Variants in GPC5 observed in about 807,000 individuals in gnomAD.
GPC5 encodes glypican 5.
GPC5 carries 47 observed loss-of-function variants against 53.9 expected under a neutral mutation model. That is an observed-to-expected ratio of 0.87 (90% CI 0.69 to 1.11). The LOEUF (loss-of-function observed/expected upper bound fraction) is 1.11, where lower values mean the gene tolerates loss of function less well. Among genes scored for constraint, GPC5 ranks in the 50% most tolerant of loss-of-function variants. The probability of loss-of-function intolerance (pLI) is 0.00; values close to 1 mark genes in which losing one functional copy is unlikely to be tolerated. For synonymous variants in GPC5, 286 were observed against 263.3 expected (o/e 1.09, Z -0.84); for missense variants, 748 against 713.1 (o/e 1.05, Z -0.56).
chr13:91,665,516 C>CTTTTTTTTTTT (rs1555335537), intron 2 of GPC5, among the ~76,000 whole-genome samples: 2 of 106,528 alleles, frequency 1.9e-5, no homozygotes, highest in African/African-American at 9.9e-5. Flanking sequence ...TTTTTTTTTT[C>CTTTTTTTTTTT]TTTTGAGACG....
intron 2 of GPC5, among the ~76,000 whole-genome samples, chr13:91,625,525 G>C (rs1285789469): frequency 1.3e-5 from 2 of 152,016 alleles, no homozygotes; most frequent in African/African-American, 4.8e-5. Context: ...TTTGAGTAGA[G>C]AGAGTGGAAG....
intron 7 of GPC5, among the ~76,000 whole-genome samples, chr13:92,415,684 A>AG (rs35510235): frequency 6.6e-6 from 1 of 151,888 alleles, no homozygotes; most frequent in Non-Finnish European, 1.5e-5. Context: ...GGTAAAAAAA[A>AG]AAAAAAGAAG....
intron 7 of GPC5, among the ~76,000 whole-genome samples, chr13:92,671,012 CATA>C (rs1399694512): frequency 1.3e-5 from 2 of 152,124 alleles, no homozygotes; most frequent in Non-Finnish European, 2.9e-5. Context: ...CACCCGTAAG[CATA>C]ATAGTACAGG....
At chr13:91,633,359 G>A (rs930349939) in intron 2 of GPC5, among the ~76,000 whole-genome samples, 4 of 152,072 alleles carry the variant, frequency 2.6e-5, no homozygotes. Flanking sequence ...ATGGTCTTTG[G>A]TAGTGGGTAA....
At chr13:92,523,894 C>G (rs1881170045) in intron 7 of GPC5, among the ~76,000 whole-genome samples, 1 of 152,096 alleles carries the variant, frequency 6.6e-6, no homozygotes, top group African/African-American at 2.4e-5. Flanking sequence ...ACCATTTTGT[C>G]TAATAAAATG....
chr13:92,815,624 T>C (rs1877446659), intron 7 of GPC5, among the ~76,000 whole-genome samples: 1 of 151,860 alleles, frequency 6.6e-6, no homozygotes, highest in Non-Finnish European at 1.5e-5. Context: ...TCGAAAAATG[T>C]TCTGGCAGAA....
intron 6 of GPC5, among the ~76,000 whole-genome samples, chr13:91,915,118 C>T (rs571039289): frequency 3.8e-4 from 58 of 152,264 alleles, no homozygotes; most frequent in African/African-American, 1.3e-3. Context: ...GCTTATGATA[C>T]TAATATTCCA....
chr13:92,287,965 A>G (rs532520946), intron 7 of GPC5, among the ~76,000 whole-genome samples: 7 of 151,746 alleles, frequency 4.6e-5, no homozygotes, highest in Non-Finnish European at 8.8e-5. Context: ...TTTTATTTTC[A>G]CACTGGACAA....
chr13:92,750,483 A>G (rs1485447317), intron 7 of GPC5, among the ~76,000 whole-genome samples: 1 of 152,160 alleles, frequency 6.6e-6, no homozygotes, highest in African/African-American at 2.4e-5. Flanking sequence ...GAAAAAGGAG[A>G]AAATGAGAGG....
chr13:91,753,620 A>G (rs1366514099), intron 4 of GPC5, among the ~76,000 whole-genome samples: 1 of 152,166 alleles, frequency 6.6e-6, no homozygotes, highest in Non-Finnish European at 1.5e-5. Context: ...AATGGTTCCA[A>G]CTGCCTTTTG....
chr13:92,271,870 A>G (rs1175998240), intron 7 of GPC5, among the ~76,000 whole-genome samples: 1 of 152,244 alleles, frequency 6.6e-6, no homozygotes, highest in African/African-American at 2.4e-5. Flanking sequence ...TTAGGCAGTA[A>G]TAAGATGACT....
intron 2 of GPC5, among the ~76,000 whole-genome samples, chr13:91,601,949 A>T (rs1020409383): frequency 6.6e-5 from 10 of 152,200 alleles, no homozygotes; most frequent in African/African-American, 2.2e-4. Context: ...GAGTGCTGGG[A>T]TAGGGTGGCT....
chr13:92,277,937 T>C (rs1304287799), intron 7 of GPC5, among the ~76,000 whole-genome samples: 1 of 151,896 alleles, frequency 6.6e-6, no homozygotes, highest in Admixed American at 6.6e-5. Context: ...CTATGGTCTC[T>C]ATATTCTATT....
At chr13:91,678,567 A>C (rs2035435927) in intron 2 of GPC5, among the ~76,000 whole-genome samples, 1 of 152,156 alleles carries the variant, frequency 6.6e-6, no homozygotes, top group African/African-American at 2.4e-5. Flanking sequence ...TAGATTTAAA[A>C]ACTCCACCAA....
chr13:92,056,376 A>G (rs2041074737), intron 6 of GPC5, among the ~76,000 whole-genome samples: 1 of 152,108 alleles, frequency 6.6e-6, no homozygotes, highest in Non-Finnish European at 1.5e-5. Flanking sequence ...TCATCTCAAA[A>G]TCCTTAATTT....
At chr13:92,378,652 A>C (rs1251436144) in intron 7 of GPC5, among the ~76,000 whole-genome samples, 1 of 152,188 alleles carries the variant, frequency 6.6e-6, no homozygotes, top group Non-Finnish European at 1.5e-5. Flanking sequence ...AAACTTAATG[A>C]GACCTTTTTA....
intron 7 of GPC5, among the ~76,000 whole-genome samples, chr13:92,774,045 C>T (rs1435981879): frequency 6.6e-6 from 1 of 152,134 alleles, no homozygotes; most frequent in Non-Finnish European, 1.5e-5. Context: ...CAAGAGAAAC[C>T]TGCCTGCATG....
At chr13:92,834,923 T>C (rs1360602284) in intron 7 of GPC5, among the ~76,000 whole-genome samples, 1 of 152,134 alleles carries the variant, frequency 6.6e-6, no homozygotes, top group Non-Finnish European at 1.5e-5. Flanking sequence ...TATTGTTAGA[T>C]TTTTAAATCA....
rs1367905699 is a variant in GPC5, at chr13:92,656,906, C to T, written c.1562-209376C>T. Among the ~76,000 whole-genome samples the T allele has an allele frequency of 1.5e-4, 23 of 152,166 alleles. 1 individual carries two copies. The highest frequency in any genetic ancestry group is 3.9e-4 in the African/African-American group (16 of 41,442). ...AAGTGTTCAACGCTGCAGTGAGCAACGCTGCGATGAGCTATGCTCTCACAC... is the reference window on the plus strand; with the variant it reads ...AAGTGTTCAACGCTGCAGTGAGCAATGCTGCGATGAGCTATGCTCTCACAC... On this transcript the variant is annotated intron_variant, in intron 7 of 7. Coordinates refer to ENST00000377067, the MANE Select transcript of GPC5 (RefSeq NM_004466.6).
Sources: allele counts gnomAD v4.1 joint callset (sites outside exome capture counted in the v4.1 genomes callset), GRCh38; gene constraint gnomAD v4.1.1; transcripts MANE v1.5; gene names NCBI Gene and HGNC (gene_info 2026-07-23, HGNC 2026-07-21).